The following ZFHX3 variants were observed in gnomAD, a reference collection of about 807,000 sequenced individuals.
ZFHX3 encodes the protein zinc finger homeobox 3, also known as zinc finger homeobox protein 3.
Under a neutral mutation model 279.1 loss-of-function variants are expected in ZFHX3, and 42 were observed. The ratio of observed to expected loss-of-function variants is 0.15; its 90% CI spans 0.12 to 0.19. ZFHX3 has a LOEUF of 0.19. ZFHX3 is among the 10% of genes least tolerant of loss of function. The pLI is 1.00. For synonymous variants in ZFHX3, 2,293 were observed against 1,957.8 expected (o/e 1.17, Z -4.52); for missense variants, 4,981 against 4,754.0 (o/e 1.05, Z -1.40).
intron 4 of ZFHX3, among the ~76,000 whole-genome samples, chr16:73,314,080 CAGAG>C (rs1272235966): frequency 6.6e-6 from 1 of 152,082 alleles, no homozygotes; most frequent in Admixed American, 6.5e-5. Flanking sequence ...GCCTGGGCAA[CAGAG>C]AGAGACCCTG....
intron 4 of ZFHX3, among the ~76,000 whole-genome samples, chr16:72,839,351 C>T (rs866581922): frequency 6.6e-6 from 1 of 152,148 alleles, no homozygotes; most frequent in Admixed American, 6.5e-5. Context: ...TCATTTAAAA[C>T]GTGATCTAAC....
chr16:73,832,071 T>G (rs751114229), intron 1 of ZFHX3, among the ~76,000 whole-genome samples: 4 of 152,194 alleles, frequency 2.6e-5, no homozygotes, highest in South Asian at 2.1e-4. Flanking sequence ...CGGCTAATTT[T>G]TGTGTTTTTA....
intron 1 of ZFHX3, among the ~76,000 whole-genome samples, chr16:73,754,182 A>T (rs543211868): frequency 3.3e-5 from 5 of 152,268 alleles, no homozygotes; most frequent in African/African-American, 9.6e-5. Context: ...CAGTTACAGA[A>T]CTCACATCAA....
intron 2 of ZFHX3, among the ~76,000 whole-genome samples, chr16:73,575,382 G>C (rs778493057): frequency 6.6e-6 from 1 of 152,124 alleles, no homozygotes; most frequent in Non-Finnish European, 1.5e-5. Context: ...ATGATGTTTT[G>C]TCCTTTGTTT....
intron 2 of ZFHX3, among the ~76,000 whole-genome samples, chr16:73,563,818 A>G (rs2143794329): frequency 6.6e-6 from 1 of 152,316 alleles, no homozygotes; most frequent in South Asian, 2.1e-4. Context: ...CAAGAGAAAA[A>G]AAATTTTAAA....
intron 1 of ZFHX3, among the ~76,000 whole-genome samples, chr16:73,730,370 A>AAAAAAG (rs2053559287): frequency 1.3e-5 from 2 of 148,634 alleles, no homozygotes; most frequent in East Asian, 3.9e-4. Context: ...AAAAAAAAAA[A>AAAAAAG]AAAAAGAAAA....
At chr16:73,247,018 G>A (rs73601377) in intron 5 of ZFHX3, among the ~76,000 whole-genome samples, 13,199 of 152,050 alleles carry the variant, frequency 0.087, 929 homozygotes, top group East Asian at 0.43. Flanking sequence ...GCCTATATGC[G>A]TGTGTGTATA....
chr16:72,894,507 C>G (rs2038848854), intron 3 of ZFHX3, among the ~76,000 whole-genome samples: 1 of 152,122 alleles, frequency 6.6e-6, no homozygotes, highest in South Asian at 2.1e-4. Flanking sequence ...TGGAACCTGC[C>G]TAATAAAAAG....
chr16:73,207,632 C>T (rs1567418584), intron 5 of ZFHX3, among the ~76,000 whole-genome samples: 7 of 152,132 alleles, frequency 4.6e-5, no homozygotes. Context: ...GAGGCGATAT[C>T]AGTGGCCAGC....
intron 3 of ZFHX3, among the ~76,000 whole-genome samples, chr16:73,392,295 C>A (rs2017028926): frequency 6.6e-6 from 1 of 151,446 alleles, no homozygotes; most frequent in Non-Finnish European, 1.5e-5. Flanking sequence ...GTGGGGTGTG[C>A]CTATAGCCCC....
chr16:73,555,568 C>T (rs980791438), intron 2 of ZFHX3, among the ~76,000 whole-genome samples: 5 of 151,916 alleles, frequency 3.3e-5, no homozygotes, highest in African/African-American at 1.2e-4. Flanking sequence ...CCGGGGCTCA[C>T]GCCTGTAATC....
chr16:73,001,927 T>C (rs1208077828), intron 1 of ZFHX3, among the ~76,000 whole-genome samples: 1 of 152,114 alleles, frequency 6.6e-6, no homozygotes, highest in Admixed American at 6.5e-5. Flanking sequence ...CCTCTCACCA[T>C]GTGGCATTAC....
chr16:72,908,159 C>T (rs769525618), intron 3 of ZFHX3, among the ~76,000 whole-genome samples: 2 of 152,174 alleles, frequency 1.3e-5, no homozygotes, highest in Non-Finnish European at 2.9e-5. Flanking sequence ...CCCAGTGAGA[C>T]TGGAAGGTTC....
chr16:73,312,544 A>G (rs374920441), intron 4 of ZFHX3, among the ~76,000 whole-genome samples: 9 of 152,178 alleles, frequency 5.9e-5, no homozygotes, highest in African/African-American at 2.2e-4. Flanking sequence ...CAGCGATGCT[A>G]CTCATACATT....
intron 6 of ZFHX3, among the ~76,000 whole-genome samples, chr16:73,141,187 A>T (rs566895754): frequency 6.6e-6 from 1 of 152,212 alleles, no homozygotes; most frequent in Non-Finnish European, 1.5e-5. Flanking sequence ...TGAATGGTTC[A>T]GAAATTCAAA....
chr16:73,832,248 A>G (rs1286452077), intron 1 of ZFHX3, among the ~76,000 whole-genome samples: 2 of 149,984 alleles, frequency 1.3e-5, no homozygotes, highest in Non-Finnish European at 3.0e-5. Flanking sequence ...TTGGTTTTTG[A>G]CCCAGGTGGC....
chr16:73,658,215 C>A (rs2052741984), intron 2 of ZFHX3, among the ~76,000 whole-genome samples: 1 of 152,094 alleles, frequency 6.6e-6, no homozygotes, highest in Non-Finnish European at 1.5e-5. Flanking sequence ...GAAATACTAG[C>A]CTTTTAAATT....
intron 2 of ZFHX3, among the ~76,000 whole-genome samples, chr16:73,594,333 C>A (rs1200104637): frequency 6.6e-6 from 1 of 151,788 alleles, no homozygotes; most frequent in Non-Finnish European, 1.5e-5. Context: ...GAGAACCATG[C>A]CATATTTATA....
At chr16:73,193,276 C>T (rs1438301999) in intron 5 of ZFHX3, among the ~76,000 whole-genome samples, 1 of 152,190 alleles carries the variant, frequency 6.6e-6, no homozygotes, top group Admixed American at 6.5e-5. Flanking sequence ...CAGGAAGGCA[C>T]CACCTCTCTG....
Sources: gnomAD v4.1 joint callset for allele counts (sites outside exome capture counted in the v4.1 genomes callset) on GRCh38, gnomAD v4.1.1 for gene constraint, MANE v1.5 for transcripts, NCBI Gene and HGNC (gene_info 2026-07-23, HGNC 2026-07-21) for gene names.